The following COL24A1 variants were observed in gnomAD, a reference collection of about 807,000 sequenced individuals.
COL24A1 encodes collagen alpha-1(XXIV) chain.
In COL24A1, 224 loss-of-function variants were observed where a neutral mutation model predicts 253.9. The observed-to-expected ratio is 0.88, with a 90% CI of 0.79 to 0.99. The LOEUF is 0.99. Among genes scored for constraint, COL24A1 ranks in the 50% least tolerant of loss-of-function variants. The pLI is 0.00. For synonymous variants in COL24A1, 685 were observed against 673.7 expected, an observed-to-expected ratio of 1.02 and a Z score of -0.26; for missense variants, 2,131 against 2,068.5, an observed-to-expected ratio of 1.03 and a Z score of -0.59.
At chr1:86,052,813 G>A (rs573350501) in intron 10 of COL24A1, among the ~76,000 whole-genome samples, 9 of 152,020 alleles carry the variant, frequency 5.9e-5, no homozygotes, top group African/African-American at 2.2e-4. Flanking sequence ...AAGTTGCCTG[G>A]AATAAAACTT....
chr1:85,815,892 T>C (rs1054236354), intron 47 of COL24A1, among the ~76,000 whole-genome samples: 2 of 152,034 alleles, frequency 1.3e-5, no homozygotes, highest in African/African-American at 4.8e-5. Flanking sequence ...AGCGGGAAAA[T>C]GGTTAAGCAA....
chr1:86,144,365 A>G (rs1166334556), intron 2 of COL24A1, among the ~76,000 whole-genome samples: 2 of 152,060 alleles, frequency 1.3e-5, no homozygotes, highest in Non-Finnish European at 2.9e-5. Context: ...TATTTTGATA[A>G]TAATATCTTT....
At chr1:86,110,822 G>A (rs7547099) in intron 5 of COL24A1, among the ~76,000 whole-genome samples, 14 of 140,860 alleles carry the variant, frequency 9.9e-5, no homozygotes, top group African/African-American at 2.8e-4. Flanking sequence ...CCCGACCCCC[G>A]CCCCCCACAC....
At chr1:85,916,973 G>C (rs1347706199) in intron 24 of COL24A1, among the ~76,000 whole-genome samples, 1 of 152,148 alleles carries the variant, frequency 6.6e-6, no homozygotes, top group Admixed American at 6.5e-5. Flanking sequence ...TATTATTTAA[G>C]TACAAAAGTA....
intron 5 of COL24A1, among the ~76,000 whole-genome samples, chr1:86,111,542 C>G (rs1705604298): frequency 6.6e-6 from 1 of 152,106 alleles, no homozygotes; most frequent in African/African-American, 2.4e-5. Flanking sequence ...GATCAGCTCT[C>G]TGTAAAATGG....
At chr1:86,144,558 A>C (rs72716194) in intron 2 of COL24A1, among the ~76,000 whole-genome samples, 12,075 of 152,132 alleles carry the variant, frequency 0.079, 580 homozygotes, top group East Asian at 0.21. Flanking sequence ...CATTATGATG[A>C]TTAGAATAAT....
chr1:86,074,677 C>T (rs1417587833), intron 7 of COL24A1, among the ~76,000 whole-genome samples: 1 of 152,176 alleles, frequency 6.6e-6, no homozygotes, highest in Non-Finnish European at 1.5e-5. Flanking sequence ...CCACATCACA[C>T]TTGTTCTAAA....
At chr1:86,007,505 C>A (rs1285919071) in intron 19 of COL24A1, among the ~76,000 whole-genome samples, 1 of 152,148 alleles carries the variant, frequency 6.6e-6, no homozygotes, top group Non-Finnish European at 1.5e-5. Context: ...CCACACAAAA[C>A]CCTGCACATG....
intron 10 of COL24A1, among the ~76,000 whole-genome samples, chr1:86,056,051 G>C (rs1451422921): frequency 6.6e-6 from 1 of 151,484 alleles, no homozygotes; most frequent in Non-Finnish European, 1.5e-5. Flanking sequence ...CTGGGAGGTG[G>C]AGGTTGCAGT....
At chr1:85,948,433 AG>A (rs1241022546) in intron 24 of COL24A1, among the ~76,000 whole-genome samples, 7 of 145,868 alleles carry the variant, frequency 4.8e-5, no homozygotes, top group Non-Finnish European at 9.0e-5. Flanking sequence ...CTGAGGCAGG[AG>A]AATGGCGTGA....
At chr1:86,110,742 G>A (rs1459453298) in intron 5 of COL24A1, among the ~76,000 whole-genome samples, 2 of 152,146 alleles carry the variant, frequency 1.3e-5, no homozygotes, top group East Asian at 1.9e-4. Context: ...CGCCCGTGCT[G>A]CGCTCGAATT....
rs1057351144 is a variant in COL24A1 at position 85,903,804 on chromosome 1, T to C, written c.2778+3390A>G. 2.0e-5 allele frequency among the ~76,000 whole-genome samples: 3 copies of C among 152,306 alleles called. No homozygotes were observed. In the East Asian group the frequency reaches 5.8e-4, roughly 29 times the overall value. On this transcript the variant is annotated intron_variant, in intron 28 of 59. Coordinates refer to ENST00000370571, the MANE Select transcript of COL24A1 (RefSeq NM_152890.7). The stretch of plus-strand genomic sequence containing the variant: ...TAACATTACTCATGTGCCTAACTAA[T>C]TAGGCCTAGCAGTCTTTTCTGGCTC...
intron 27 of COL24A1, among the ~76,000 whole-genome samples, chr1:85,907,741 G>T (rs1684977022): frequency 6.6e-6 from 1 of 151,748 alleles, no homozygotes; most frequent in Admixed American, 6.6e-5. Flanking sequence ...CTGCAATGGA[G>T]ATTAAGTTGC....
At chr1:85,798,521 G>GA (rs1481641439) in intron 47 of COL24A1, among the ~76,000 whole-genome samples, 1 of 152,042 alleles carries the variant, frequency 6.6e-6, no homozygotes, top group Non-Finnish European at 1.5e-5. Flanking sequence ...ATACTGTGAA[G>GA]AAAAAAGTGT....
chr1:86,114,513 G>T (rs1021848595), intron 4 of COL24A1, among the ~76,000 whole-genome samples: 1 of 152,084 alleles, frequency 6.6e-6, no homozygotes, highest in Non-Finnish European at 1.5e-5. Context: ...AGGTTTAGAA[G>T]GGGCTATGGA....
chr1:85,984,273 T>A (rs890988084), intron 20 of COL24A1, among the ~76,000 whole-genome samples: 2 of 151,830 alleles, frequency 1.3e-5, no homozygotes, highest in Non-Finnish European at 3.0e-5. Context: ...TTAAAAACAT[T>A]AAGTTCTATT....
chr1:85,874,787 C>T, intron 34 of COL24A1, 85 bp from the exon 35 acceptor site: 3 of 1,457,130 alleles, frequency 2.1e-6, no homozygotes. Context: ...GGCACAGTTC[C>T]CCAACGCCTG....
chr1:85,961,184 T>C (rs1558810337), intron 24 of COL24A1, 65 bp downstream of exon 24: 6 of 1,173,926 alleles, frequency 5.1e-6, no homozygotes, highest in Non-Finnish European at 6.4e-6. Context: ...AACGTAATCA[T>C]GGCTAATATG....
chr1:85,939,828 G>C (rs1043494334), intron 24 of COL24A1, among the ~76,000 whole-genome samples: 2 of 152,080 alleles, frequency 1.3e-5, no homozygotes, highest in South Asian at 2.1e-4. Flanking sequence ...ATGAGGAAAT[G>C]ATGTAGCACA....
Sources: gnomAD v4.1 joint callset for allele counts (sites outside exome capture counted in the v4.1 genomes callset) on GRCh38, gnomAD v4.1.1 for gene constraint, MANE v1.5 for transcripts, NCBI Gene and HGNC (gene_info 2026-07-23, HGNC 2026-07-21) for gene names.